ADGRL3: variants seen among roughly 807,000 people sequenced by gnomAD.
ADGRL3 encodes calcium-independent alpha-latrotoxin receptor 3.
In ADGRL3, 62 loss-of-function variants were observed where a neutral mutation model predicts 153.5. The observed-to-expected ratio is 0.40, with a 90% CI of 0.33 to 0.50. The LOEUF (loss-of-function observed/expected upper bound fraction) is 0.50, where lower values mean the gene tolerates loss of function less well. Ranked by LOEUF, ADGRL3 falls within the 20% of genes least tolerant of loss-of-function variation. The pLI is 0.47. For missense variants in ADGRL3, 1,641 were observed against 1,859.4 expected (o/e 0.88, Z 2.16); for synonymous variants, 710 against 672.5 (o/e 1.06, Z -0.86).
At chr4:61,825,656 G>A (rs2097793839) in intron 9 of ADGRL3, among the ~76,000 whole-genome samples, 1 of 151,942 alleles carries the variant, frequency 6.6e-6, no homozygotes, top group Admixed American at 6.6e-5. Flanking sequence ...TCCTTCCTAA[G>A]GGCTCCAACT....
chr4:62,031,367 G>A (rs551513179), intron 22 of ADGRL3, 75 bp from the exon 23 acceptor site: 30 of 1,211,474 alleles, frequency 2.5e-5, no homozygotes, highest in Non-Finnish European at 3.0e-5. Flanking sequence ...TTTCAGTGTC[G>A]TATTGTTGAT....
At chr4:61,399,100 G>A (rs550792200) in intron 2 of ADGRL3, among the ~76,000 whole-genome samples, 1 of 151,662 alleles carries the variant, frequency 6.6e-6, no homozygotes, top group African/African-American at 2.4e-5. Context: ...TAAGTAGAAA[G>A]CATATGGAAA....
At chr4:61,586,001 A>T (rs1171629979) in intron 4 of ADGRL3, among the ~76,000 whole-genome samples, 1 of 152,100 alleles carries the variant, frequency 6.6e-6, no homozygotes, top group African/African-American at 2.4e-5. Flanking sequence ...ACAAAAGGTC[A>T]ATAAACATAT....
rs188834190 is a variant in ADGRL3 at position 62,042,382 on chromosome 4, C to G, written c.3718-2071C>G. ...GTGATTGGATTGTGTGGGTAGCCTA[C>G]AGTTCTAAGTAGGGTGTTATACCTT... On this transcript the variant is annotated intron_variant, in intron 24 of 26. Transcript: ENST00000683033. 5.1e-3 allele frequency among the ~76,000 whole-genome samples: 780 copies of G among 151,564 alleles called. 7 individuals are homozygous for G. The highest frequency in any genetic ancestry group is 0.013 in the South Asian group (63 of 4,790).
chr4:61,330,358 A>C (rs1412489005), intron 1 of ADGRL3, among the ~76,000 whole-genome samples: 1 of 152,126 alleles, frequency 6.6e-6, no homozygotes, highest in Non-Finnish European at 1.5e-5. Context: ...TTGAGAGCTC[A>C]AATAGAAAAA....
rs960475906 is a variant in ADGRL3, at chr4:61,201,016, C to A, written c.-989C>A. Among the ~76,000 whole-genome samples, 1 of 152,140 alleles carries A rather than the reference C, an allele frequency of 6.6e-6. No individual in the cohort carries two copies. Among genetic ancestry groups the A allele is most frequent in the Non-Finnish European group, 1.5e-5 (1 of 68,016 alleles). ...TCCGGCTGTCCGCGGAGGTTGCGGG[C>A]TTGAGAGGGGACCCTCGGCTGGGAG... On this transcript the variant is annotated 5_prime_UTR_variant, in exon 1 of 27. Coordinates refer to ENST00000683033, the MANE Select transcript of ADGRL3 (RefSeq NM_001387552.1).
chr4:61,432,648 T>TTCTTTCTTTCTTTCTTTC (rs1560623730), intron 2 of ADGRL3, among the ~76,000 whole-genome samples: 4 of 41,608 alleles, frequency 9.6e-5, no homozygotes, highest in African/African-American at 3.4e-4. Context: ...CTTTCTTTCT[T>TTCTTTCTTTCTTTCTTTC]TCTTTCTTTT....
intron 25 of ADGRL3, chr4:62,063,482 G>C: frequency 2.0e-6 from 1 of 491,354 alleles, no homozygotes; most frequent in South Asian, 2.9e-5. Flanking sequence ...TTTTTTCTCT[G>C]TCTTTCTATG....
At chr4:61,766,993 GC>G (rs1371576239) in intron 8 of ADGRL3, among the ~76,000 whole-genome samples, 1 of 152,050 alleles carries the variant, frequency 6.6e-6, no homozygotes, top group Non-Finnish European at 1.5e-5. Flanking sequence ...GCTGTAGCAG[GC>G]GAGTGATAAC....
intron 4 of ADGRL3, among the ~76,000 whole-genome samples, chr4:61,561,021 A>G (rs947249189): frequency 6.6e-6 from 1 of 152,168 alleles, no homozygotes; most frequent in African/African-American, 2.4e-5. Flanking sequence ...CTTTTATTTA[A>G]CATTGTCTCA....
At chr4:61,641,265 CT>C (rs2093654114) in intron 5 of ADGRL3, among the ~76,000 whole-genome samples, 1 of 105,664 alleles carries the variant, frequency 9.5e-6, no homozygotes, top group African/African-American at 3.5e-5. Flanking sequence ...AAAATAAATC[CT>C]ATTTTTTTTT....
chr4:61,395,019 C>T (rs1163897990), intron 2 of ADGRL3, among the ~76,000 whole-genome samples: 1 of 151,900 alleles, frequency 6.6e-6, no homozygotes, highest in East Asian at 1.9e-4. Flanking sequence ...TGTTCTCAGC[C>T]ACAAATGAAG....
chr4:61,498,849 T>C (rs1304798593), intron 3 of ADGRL3, among the ~76,000 whole-genome samples: 3 of 152,202 alleles, frequency 2.0e-5, no homozygotes, highest in Non-Finnish European at 4.4e-5. Context: ...AAAGTCTATA[T>C]GTATGTTCCT....
chr4:62,047,096 C>T (rs533101032), intron 25 of ADGRL3, among the ~76,000 whole-genome samples: 13 of 152,036 alleles, frequency 8.6e-5, no homozygotes, highest in African/African-American at 3.1e-4. Flanking sequence ...CTAGATACTA[C>T]ATCTTTACAT....
intron 8 of ADGRL3, among the ~76,000 whole-genome samples, chr4:61,780,641 C>T (rs1272758632): frequency 1.3e-5 from 2 of 152,108 alleles, no homozygotes; most frequent in African/African-American, 4.8e-5. Context: ...TGATGGATAC[C>T]TTCTTCCATC....
intron 19 of ADGRL3, among the ~76,000 whole-genome samples, chr4:61,994,939 G>A (rs957482402): frequency 2.0e-5 from 3 of 149,126 alleles, no homozygotes; most frequent in African/African-American, 7.4e-5. Context: ...TTGAGACAGG[G>A]TCTCACTCTG....
intron 8 of ADGRL3, among the ~76,000 whole-genome samples, chr4:61,777,198 T>A (rs748380964): frequency 3.3e-5 from 5 of 151,984 alleles, no homozygotes; most frequent in Non-Finnish European, 5.9e-5. Context: ...CCGGGCGTGG[T>A]GGCGGGCACC....
At chr4:61,865,958 C>T (rs559322433) in intron 9 of ADGRL3, among the ~76,000 whole-genome samples, 2 of 152,278 alleles carry the variant, frequency 1.3e-5, no homozygotes, top group African/African-American at 4.8e-5. Context: ...TGTATTACCC[C>T]ATTGAGGAAA....
intron 1 of ADGRL3, among the ~76,000 whole-genome samples, chr4:61,270,111 T>G (rs539348170): frequency 9.1e-4 from 138 of 151,778 alleles, no homozygotes; most frequent in African/African-American, 3.0e-3. Flanking sequence ...CCCAATTTAC[T>G]TAGAGGTATC....
Sources: allele counts gnomAD v4.1 joint callset (sites outside exome capture counted in the v4.1 genomes callset), GRCh38; gene constraint gnomAD v4.1.1; transcripts MANE v1.5; gene names NCBI Gene and HGNC (gene_info 2026-07-23, HGNC 2026-07-21).